RGL3: variants seen among roughly 807,000 people sequenced by gnomAD.
RGL3 encodes ral guanine nucleotide dissociation stimulator like 3, also known as ral guanine nucleotide dissociation stimulator-like 3.
Under a neutral mutation model 90.6 loss-of-function variants are expected in RGL3, and 85 were observed. That is an observed-to-expected ratio of 0.94 (90% CI 0.79 to 1.12). RGL3 has a LOEUF of 1.12. Among genes scored for constraint, RGL3 ranks in the 50% most tolerant of loss-of-function variants. The pLI, the probability that RGL3 is intolerant of heterozygous loss-of-function variation, is 0.00. For missense variants in RGL3, 1,034 were observed against 939.2 expected (o/e 1.10, Z -1.32); for synonymous variants, 408 against 385.5 (o/e 1.06, Z -0.68).
chr19:11,406,989 AATT>A, intron 5 of RGL3, 125 bp from the exon 6 acceptor site: 3 of 1,015,152 alleles, frequency 3.0e-6, no homozygotes, highest in Non-Finnish European at 4.2e-6. Flanking sequence ...AGCTCTCTTA[AATT>A]TTTTTTTTTT....
intron 9 of RGL3, among the ~76,000 whole-genome samples, 172 bp from the exon 10 acceptor site, chr19:11,402,878 C>T (rs889452226): frequency 1.3e-5 from 2 of 152,176 alleles, no homozygotes; most frequent in East Asian, 3.9e-4. Flanking sequence ...GAGGCCAAGG[C>T]GAGCAGATCA....
At chr19:11,394,551 C>CACAT (rs752285424) in intron 18 of RGL3, 31 bp from the exon 19 acceptor site, 21 of 1,530,406 alleles carry the variant, frequency 1.4e-5, no homozygotes, top group Non-Finnish European at 1.9e-5. Context: ...TGGTAATAGG[C>CACAT]CCTCACAACC....
intron 5 of RGL3, among the ~76,000 whole-genome samples, chr19:11,412,510 A>G (rs1388039707): frequency 6.6e-6 from 1 of 152,074 alleles, no homozygotes; most frequent in Non-Finnish European, 1.5e-5. Context: ...ACCCAAAATA[A>G]AGTTGTTAAA....
Position 11,417,021 on chromosome 19 carries a change from T to TC in RGL3, c.185dup (p.Thr63AsnfsTer25). 6.2e-7 allele frequency: 1 copy of TC among 1,612,164 alleles called. No individual in the cohort carries two copies. The highest frequency in any genetic ancestry group is 8.5e-7 in the Non-Finnish European group (1 of 1,178,948). ...CCCTCAGCACCCTCACCTTGCTGGT[T>TC]CGATAGTGGAGGAAGGTATTGGCAA... On this transcript the variant is annotated frameshift_variant, in exon 3 of 19. Transcript: ENST00000380456. LOFTEE classifies it high-confidence loss of function.
chr19:11,417,749 C>G (rs561232030), intron 2 of RGL3, among the ~76,000 whole-genome samples: 143 of 152,206 alleles, frequency 9.4e-4, no homozygotes, highest in African/African-American at 3.3e-3. Context: ...GGATTACAGG[C>G]GTGAGCCACC....
At chr19:11,394,641 T>C (rs748827391) in intron 18 of RGL3, 121 bp from the exon 19 acceptor site, 28 of 714,402 alleles carry the variant, frequency 3.9e-5, no homozygotes, top group Non-Finnish European at 6.3e-5. Context: ...CCTCTGCAGC[T>C]ACTGCCAAGC....
At position 11,402,535 on chromosome 19, in the gene RGL3, G is replaced by A. The variant is rs768967060; in HGVS notation, c.1249C>T (p.Pro417Ser). 4 of 1,605,666 alleles carry A rather than the reference G, an allele frequency of 2.5e-6. No homozygotes were observed. The highest frequency in any genetic ancestry group is 2.2e-5 in the East Asian group (1 of 44,848). ...CCAAGGTAGGGGACAGGGCCTGGGGGTGGTTTCTGCAGCCCCCAAAGCTCC... is the reference window on the plus strand; with the variant it reads ...CCAAGGTAGGGGACAGGGCCTGGGGATGGTTTCTGCAGCCCCCAAAGCTCC... ...NTPGSLPSKPPPGPVPYLGTF... is the reference protein window; with the variant it reads ...NTPGSLPSKPSPGPVPYLGTF... The change falls in exon 11 of 19, where the codon CCC (proline) becomes TCC (serine). Residue 417 changes from proline (P) to serine (S), a missense_variant. Physicochemically the swap from Pro to Ser is moderately conservative, Grantham distance 74 (BLOSUM62 -1). Transcript: ENST00000380456.
Position 11,418,768 on chromosome 19 carries a change from C to A in RGL3, c.50G>T (p.Trp17Leu), listed in dbSNP as rs776168969. The A allele has an allele frequency of 6.4e-7, 1 of 1,556,798 alleles. No individual in the cohort carries two copies. Among genetic ancestry groups the A allele is most frequent in the Non-Finnish European group, 8.7e-7 (1 of 1,154,630 alleles). The change falls in exon 2 of 19, where the codon TGG (tryptophan) becomes TTG (leucine). Residue 17 changes from tryptophan (W) to leucine (L), a missense_variant. Coordinates refer to ENST00000380456, the MANE Select transcript of RGL3 (RefSeq NM_001035223.4). ...CGCGCCGTCCTCGGTCTCTTCACCC[C>A]AGTCCTGCAGCGGTGCCTGGACGCA... ...KELALAPLQD[W>L]GEETEDGAVY...
rs758633852 is a variant in RGL3, at chr19:11,402,210, C to G, written c.1362+5G>C. On this transcript the variant is annotated splice_donor_5th_base_variant and intron_variant, in intron 12 of 18. Transcript: ENST00000380456. ...ACCACCACACCCACTGTAGCCTCCA[C>G]TCACCTTCCTCCTCTTCTCAAAGTT... is the stretch of plus-strand genomic sequence containing the variant. 4 of 1,613,488 alleles carry G rather than the reference C, an allele frequency of 2.5e-6. No individual in the cohort carries two copies. The highest frequency in any genetic ancestry group is 3.4e-6 in the Non-Finnish European group (4 of 1,179,930).
Position 11,416,613 on chromosome 19 carries a change from CCTCAGGTTCTTGTTGAAG to C in RGL3, c.408_425del (p.Ser136_Leu141del), listed in dbSNP as rs771388546. ...CTCCCCTATCTGGATGAAGGACCCA[CCTCAGGTTCTTGTTGAAG>C]CTCAGATCTTGTACCGCTGTCTTCT... On this transcript the variant is annotated inframe_deletion and splice_region_variant, in exon 4 of 19. Coordinates refer to ENST00000380456, the MANE Select transcript of RGL3 (RefSeq NM_001035223.4). 4.3e-6 allele frequency: 7 copies of C among 1,614,014 alleles called. No individual in the cohort carries two copies. The highest frequency in any genetic ancestry group is 5.9e-6 in the Non-Finnish European group (7 of 1,179,896).
chr19:11,416,564 A>G (rs756479510), intron 4 of RGL3, 50 bp downstream of exon 4: 7 of 1,564,624 alleles, frequency 4.5e-6, no homozygotes, highest in Non-Finnish European at 6.2e-6. Context: ...CTAACCTTTG[A>G]CCTCTTGGAT....
chr19:11,405,065 A>T lies in RGL3; in HGVS notation c.1185+82T>A. The T allele has an allele frequency of 4.6e-6, 5 of 1,082,154 alleles. No individual in the cohort carries two copies. The South Asian group carries it at 5.0e-5, about 11-fold the overall frequency. 67.0% of individuals were successfully genotyped at this position (1,082,154 alleles called of 1,614,324 possible). ...AAGGACAGAGTGTCCTGACTATAGCAGGGAGATTACCCCTGCCTGGCCCCA... is the reference window on the plus strand; with the variant it reads ...AAGGACAGAGTGTCCTGACTATAGCTGGGAGATTACCCCTGCCTGGCCCCA... On this transcript the variant is annotated intron_variant, in intron 9 of 18. Transcript: ENST00000380456.
intron 4 of RGL3, 62 bp downstream of exon 4, chr19:11,416,552 T>G (rs1181724564): frequency 1.5e-5 from 23 of 1,522,342 alleles, no homozygotes; most frequent in Non-Finnish European, 2.1e-5. Flanking sequence ...CCAGTCCGAC[T>G]GCTAACCTTT....
At chr19:11,401,226 ATTTT>A (rs1051265868) in intron 13 of RGL3, among the ~76,000 whole-genome samples, 3 of 130,690 alleles carry the variant, frequency 2.3e-5, no homozygotes, top group Non-Finnish European at 3.3e-5. Flanking sequence ...AATTGTGACT[ATTTT>A]TTTTTTTTTT....
chr19:11,405,749 G>T (rs1005019311), intron 7 of RGL3, among the ~76,000 whole-genome samples: 3 of 150,762 alleles, frequency 2.0e-5, no homozygotes, highest in African/African-American at 7.3e-5. Flanking sequence ...AGGCTGGAAT[G>T]CAGTGGCCCG....
At chr19:11,412,005 C>T (rs566508079) in intron 5 of RGL3, among the ~76,000 whole-genome samples, 20 of 152,118 alleles carry the variant, frequency 1.3e-4, no homozygotes, top group Middle Eastern at 3.4e-3. Flanking sequence ...AAGGGCCGGG[C>T]GCCATGGCTC....
intron 5 of RGL3, among the ~76,000 whole-genome samples, chr19:11,411,927 T>G (rs1255576282): frequency 1.3e-5 from 2 of 152,192 alleles, no homozygotes; most frequent in African/African-American, 4.8e-5. Context: ...GATTGGATTT[T>G]TTTTATATCA....
intron 5 of RGL3, among the ~76,000 whole-genome samples, chr19:11,414,152 T>TATATATATATATATATATATATATACAC (rs1968921120): frequency 1.2e-5 from 1 of 84,294 alleles, no homozygotes; most frequent in Non-Finnish European, 2.3e-5. Flanking sequence ...TATATATATA[T>TATATATATATATATATATATATATACAC]ATATATATAT....
chr19:11,394,809 G>A, intron 18 of RGL3: 1 of 339,596 alleles, frequency 2.9e-6, no homozygotes, highest in South Asian at 2.9e-5. Context: ...GAGCAAACTG[G>A]CCGGGCGCGA....
Sources: gnomAD v4.1 joint callset for allele counts (sites outside exome capture counted in the v4.1 genomes callset) on GRCh38, gnomAD v4.1.1 for gene constraint, MANE v1.5 for transcripts, NCBI Gene and HGNC (gene_info 2026-07-23, HGNC 2026-07-21) for gene names.